The following RAD51B variants were observed in gnomAD, a reference collection of about 807,000 sequenced individuals.
The protein encoded by RAD51B is DNA repair protein RAD51 homolog 2.
Under a neutral mutation model 42.2 loss-of-function variants are expected in RAD51B, and 38 were observed. The ratio of observed to expected loss-of-function variants is 0.90; its 90% confidence interval spans 0.70 to 1.18. The LOEUF (loss-of-function observed/expected upper bound fraction) is 1.18, where lower values mean the gene tolerates loss of function less well. Among genes scored for constraint, RAD51B ranks in the 50% most tolerant of loss-of-function variants. RAD51B has a pLI of 0.00. For synonymous variants in RAD51B, 154 were observed against 145.2 expected (o/e 1.06, Z -0.43); for missense variants, 373 against 400.7 (o/e 0.93, Z 0.59).
chr14:68,413,223 C>T, intron 9 of RAD51B, among the ~76,000 whole-genome samples: 1 of 152,164 alleles, frequency 6.6e-6, no homozygotes, highest in Non-Finnish European at 1.5e-5. Flanking sequence ...GCTGGTAGGA[C>T]AAATGCTATT....
At chr14:68,020,934 C>T (rs1446034142) in intron 7 of RAD51B, among the ~76,000 whole-genome samples, 1 of 152,130 alleles carries the variant, frequency 6.6e-6, no homozygotes, top group African/African-American at 2.4e-5. Context: ...AGGTGTACCA[C>T]CTTTTATTGA....
chr14:68,568,031 G>A (rs1468708220), intron 10 of RAD51B, among the ~76,000 whole-genome samples: 1 of 152,096 alleles, frequency 6.6e-6, no homozygotes, highest in Non-Finnish European at 1.5e-5. Flanking sequence ...CTCATTCCAG[G>A]ACCTGAAAAA....
intron 8 of RAD51B, among the ~76,000 whole-genome samples, chr14:68,411,123 G>T (rs1201464594): frequency 1.3e-5 from 2 of 152,204 alleles, no homozygotes; most frequent in African/African-American, 4.8e-5. Flanking sequence ...TGAATGGCTA[G>T]ATTTACTAGT....
At chr14:68,425,971 T>C (rs867329220) in intron 9 of RAD51B, among the ~76,000 whole-genome samples, 13 of 81,862 alleles carry the variant, frequency 1.6e-4, no homozygotes, top group East Asian at 4.8e-4. Flanking sequence ...TTTCTTTCTT[T>C]CTTTCTTCCT....
In RAD51B at chr14:68,416,907, A is replaced by G. The variant is rs562747105; in HGVS notation, c.957+5380A>G. 1.9e-4 allele frequency among the ~76,000 whole-genome samples: 29 copies of G among 152,292 alleles called. No homozygotes were observed. The South Asian group carries it at 5.8e-3, about 31-fold the overall frequency. On this transcript the variant is annotated intron_variant, in intron 9 of 10. Transcript: ENST00000471583. ...AGGAGGGTAGGAAATCTTTGTTGCT[A>G]TCTTCTACAAGTCTTAACTTCTCCT...
intron 9 of RAD51B, among the ~76,000 whole-genome samples, chr14:68,447,273 G>A (rs114379924): frequency 1.3e-5 from 2 of 152,140 alleles, no homozygotes; most frequent in Admixed American, 6.5e-5. Flanking sequence ...ACATACAAAT[G>A]TGGGCCAGAA....
chr14:68,087,915 ATATAT>A (rs1288835752), intron 7 of RAD51B, among the ~76,000 whole-genome samples: 9 of 120,192 alleles, frequency 7.5e-5, no homozygotes, highest in East Asian at 4.1e-4. Context: ...TAATTATATA[ATATAT>A]TATATATAAT....
At chr14:68,438,424 G>T (rs527340175) in intron 9 of RAD51B, among the ~76,000 whole-genome samples, 1 of 152,144 alleles carries the variant, frequency 6.6e-6, no homozygotes, top group Non-Finnish European at 1.5e-5. Flanking sequence ...AGGAGAAAAA[G>T]GAGGCCTGGG....
intron 7 of RAD51B, among the ~76,000 whole-genome samples, chr14:68,003,845 T>A (rs1214095774): frequency 6.6e-6 from 1 of 152,202 alleles, no homozygotes; most frequent in Non-Finnish European, 1.5e-5. Context: ...GAACCAACTT[T>A]GCATCCCACG....
chr14:68,233,415 A>G lies in RAD51B; in HGVS notation c.757-58469A>G, dbSNP rs1595582332. Among the ~76,000 whole-genome samples the G allele has an allele frequency of 2.0e-5, 3 of 152,316 alleles. No individual in the cohort carries two copies. The East Asian group carries it at 5.8e-4, about 29-fold the overall frequency. ...TATCATGAAGCTTATTTTAGAAGAA[A>G]TGTTCATTTTTAGATTTCTGTTTGT... On this transcript the variant is annotated intron_variant, in intron 7 of 10. Transcript: ENST00000471583.
At chr14:68,317,339 A>G (rs950750558) in intron 8 of RAD51B, among the ~76,000 whole-genome samples, 7 of 152,166 alleles carry the variant, frequency 4.6e-5, no homozygotes, top group Non-Finnish European at 1.0e-4. Flanking sequence ...ATTTTCAAGT[A>G]CTGTGTTAGG....
At chr14:68,132,049 T>G (rs542256643) in intron 7 of RAD51B, among the ~76,000 whole-genome samples, 11 of 152,280 alleles carry the variant, frequency 7.2e-5, no homozygotes, top group African/African-American at 2.6e-4. Context: ...AAGAACAGCT[T>G]AAGAGGGCTC....
chr14:68,650,436 C>A (rs1303186865), intron 10 of RAD51B, among the ~76,000 whole-genome samples: 1 of 152,162 alleles, frequency 6.6e-6, no homozygotes, highest in Admixed American at 6.5e-5. Flanking sequence ...AATCACAGTA[C>A]CAGCCTGACA....
At chr14:68,572,703 C>A (rs1889768724) in intron 10 of RAD51B, among the ~76,000 whole-genome samples, 1 of 152,166 alleles carries the variant, frequency 6.6e-6, no homozygotes, top group Non-Finnish European at 1.5e-5. Flanking sequence ...CCAGTGGGTC[C>A]TGGCTTCTAT....
chr14:68,412,684 T>C (rs1449851720), intron 9 of RAD51B, among the ~76,000 whole-genome samples: 1 of 152,158 alleles, frequency 6.6e-6, no homozygotes, highest in African/African-American at 2.4e-5. Flanking sequence ...CAGGGAAACA[T>C]TCTTGAGTTT....
At chr14:68,376,451 G>T (rs1265116453) in intron 8 of RAD51B, among the ~76,000 whole-genome samples, 1 of 152,214 alleles carries the variant, frequency 6.6e-6, no homozygotes, top group African/African-American at 2.4e-5. Context: ...CATCATGGAA[G>T]AATGAGAAAG....
chr14:68,397,377 C>G (rs975883713), intron 8 of RAD51B, among the ~76,000 whole-genome samples: 1 of 152,238 alleles, frequency 6.6e-6, no homozygotes, highest in Non-Finnish European at 1.5e-5. Context: ...CCCTGCTAGC[C>G]TCAGCACATT....
chr14:68,522,688 T>C (rs1349759024), intron 10 of RAD51B, among the ~76,000 whole-genome samples: 1 of 152,128 alleles, frequency 6.6e-6, no homozygotes, highest in Admixed American at 6.5e-5. Context: ...CTTTTGAAGC[T>C]CTGGATAGAA....
At chr14:68,265,690 T>G (rs1296852080) in intron 7 of RAD51B, among the ~76,000 whole-genome samples, 1 of 152,118 alleles carries the variant, frequency 6.6e-6, no homozygotes, top group East Asian at 1.9e-4. Flanking sequence ...AGGCGGAGGT[T>G]GCAATGAGCT....
Sources: gnomAD v4.1 joint callset for allele counts (sites outside exome capture counted in the v4.1 genomes callset) on GRCh38, gnomAD v4.1.1 for gene constraint, MANE v1.5 for transcripts, NCBI Gene and HGNC (gene_info 2026-07-23, HGNC 2026-07-21) for gene names.